LDLRAD3: variants seen among roughly 807,000 people sequenced by gnomAD.
The protein encoded by LDLRAD3 is low-density lipoprotein receptor class A domain-containing protein 3.
LDLRAD3 carries 20 observed loss-of-function variants against 29.4 expected under a neutral mutation model. The ratio of observed to expected loss-of-function variants is 0.68; its 90% CI spans 0.48 to 0.99. The LOEUF (loss-of-function observed/expected upper bound fraction) is 0.99. Among genes scored for constraint, LDLRAD3 ranks in the 50% least tolerant of loss-of-function variants. LDLRAD3 has a pLI of 0.00. For synonymous variants in LDLRAD3, 157 were observed against 192.7 expected, an observed-to-expected ratio of 0.81 and a Z score of 1.53; for missense variants, 420 against 454.3, an observed-to-expected ratio of 0.92 and a Z score of 0.69.
chr11:35,963,935 G>A (rs1851308568), intron 1 of LDLRAD3, among the ~76,000 whole-genome samples: 1 of 152,184 alleles, frequency 6.6e-6, no homozygotes, highest in South Asian at 2.1e-4. Context: ...GTGGTGAGTG[G>A]CACAAGAGTG....
At chr11:36,127,388 A>C (rs1853853400) in intron 4 of LDLRAD3, among the ~76,000 whole-genome samples, 1 of 151,940 alleles carries the variant, frequency 6.6e-6, no homozygotes, top group Admixed American at 6.5e-5. Flanking sequence ...TATATAGTAC[A>C]TGCTGTTTAA....
intron 4 of LDLRAD3, among the ~76,000 whole-genome samples, chr11:36,180,733 C>A (rs1854748983): frequency 1.3e-5 from 2 of 150,682 alleles, no homozygotes; most frequent in African/African-American, 2.4e-5. Context: ...ATGGGAGACT[C>A]TGGCTGTAAT....
chr11:35,962,269 T>G (rs1335061816), intron 1 of LDLRAD3, among the ~76,000 whole-genome samples: 22 of 152,302 alleles, frequency 1.4e-4, no homozygotes, highest in African/African-American at 5.1e-4. Flanking sequence ...GGTATTCTCT[T>G]TCATGACCTA....
At chr11:36,113,185 G>A (rs995133495) in intron 4 of LDLRAD3, among the ~76,000 whole-genome samples, 8 of 152,160 alleles carry the variant, frequency 5.3e-5, no homozygotes, top group Non-Finnish European at 1.2e-4. Flanking sequence ...CAGGGATTCT[G>A]TATTAGTTAG....
intron 1 of LDLRAD3, among the ~76,000 whole-genome samples, chr11:35,949,447 A>G (rs759507631): frequency 2.0e-5 from 3 of 152,040 alleles, no homozygotes; most frequent in Non-Finnish European, 4.4e-5. Context: ...CCCTTCCTCC[A>G]CTTCACAGAG....
intron 1 of LDLRAD3, among the ~76,000 whole-genome samples, chr11:36,025,346 C>T (rs1211073058): frequency 1.3e-5 from 2 of 151,880 alleles, no homozygotes; most frequent in Non-Finnish European, 2.9e-5. Flanking sequence ...TGTGCCTGCA[C>T]CCAGTTCCAC....
chr11:36,166,146 T>TG (rs1463044939), intron 4 of LDLRAD3, among the ~76,000 whole-genome samples: 1 of 152,174 alleles, frequency 6.6e-6, no homozygotes, highest in Non-Finnish European at 1.5e-5. Context: ...TATAGTTGTT[T>TG]GGCAGAAGGT....
intron 2 of LDLRAD3, among the ~76,000 whole-genome samples, chr11:36,056,157 G>A (rs1276700300): frequency 2.0e-5 from 3 of 151,896 alleles, no homozygotes; most frequent in South Asian, 2.1e-4. Flanking sequence ...CACTACGCCC[G>A]GCTAATTTTG....
At chr11:36,201,239 C>T (rs1198133935) in intron 4 of LDLRAD3, among the ~76,000 whole-genome samples, 1 of 152,106 alleles carries the variant, frequency 6.6e-6, no homozygotes, top group Non-Finnish European at 1.5e-5. Flanking sequence ...CACTGACAGC[C>T]CTCCCCACTC....
chr11:36,074,576 A>G (rs1852963500), intron 2 of LDLRAD3, among the ~76,000 whole-genome samples: 1 of 152,216 alleles, frequency 6.6e-6, no homozygotes, highest in African/African-American at 2.4e-5. Flanking sequence ...AAAGCCTGGA[A>G]TTGGAGAGCA....
At chr11:36,071,144 A>G (rs1852895021) in intron 2 of LDLRAD3, among the ~76,000 whole-genome samples, 1 of 152,216 alleles carries the variant, frequency 6.6e-6, no homozygotes, top group Non-Finnish European at 1.5e-5. Context: ...ATGGATGGAG[A>G]ATAATAGAGC....
intron 3 of LDLRAD3, among the ~76,000 whole-genome samples, chr11:36,097,672 G>C (rs7925337): frequency 0.96 from 146,020 of 152,226 alleles, 70,158 homozygotes; most frequent in Non-Finnish European, 0.99. Context: ...TACAAACATA[G>C]AGTGAGATAA....
At chr11:36,006,001 A>T (rs1396296686) in intron 1 of LDLRAD3, among the ~76,000 whole-genome samples, 1 of 152,188 alleles carries the variant, frequency 6.6e-6, no homozygotes, top group Non-Finnish European at 1.5e-5. Flanking sequence ...CCAATTCGAC[A>T]TGAGATTTGG....
chr11:35,988,173 T>A (rs1851638229), intron 1 of LDLRAD3, among the ~76,000 whole-genome samples: 1 of 152,052 alleles, frequency 6.6e-6, no homozygotes, highest in African/African-American at 2.4e-5. Flanking sequence ...TCCTCCCATC[T>A]TAGCCTCCCA....
chr11:36,056,403 C>T (rs560887501), intron 2 of LDLRAD3, among the ~76,000 whole-genome samples: 84 of 152,216 alleles, frequency 5.5e-4, no homozygotes, highest in African/African-American at 1.9e-3. Context: ...TGCTAGTATC[C>T]CCATTATACA....
chr11:36,148,378 G>T (rs1398687330), intron 4 of LDLRAD3, among the ~76,000 whole-genome samples: 9 of 151,912 alleles, frequency 5.9e-5, no homozygotes, highest in Non-Finnish European at 1.0e-4. Flanking sequence ...ATACACTCAG[G>T]GTGTATTTTC....
At chr11:35,947,464 C>T (rs964393499) in intron 1 of LDLRAD3, among the ~76,000 whole-genome samples, 6 of 151,002 alleles carry the variant, frequency 4.0e-5, no homozygotes, top group African/African-American at 1.5e-4. Context: ...AAGCCAAGAT[C>T]GCGCCGCTGC....
rs776297277 is a variant in LDLRAD3 at position 36,036,187 on chromosome 11, C to T, written c.131C>T (p.Pro44Leu). The change falls in exon 2 of 6, where the codon CCG becomes CTG. Residue 44 changes from proline (P) to leucine (L), a missense_variant. This residue lies in a region of LDLRAD3 where 224 missense variants were observed against 222.2 expected (regional missense o/e 1.01). Transcript: ENST00000315571. Reference sequence around the variant, plus strand: ...ATGTGCAGCAATGGACGGTGCATCCCGGGCGCCTGGCAGTGTGACGGGCTG... The same window carrying T: ...ATGTGCAGCAATGGACGGTGCATCCTGGGCGCCTGGCAGTGTGACGGGCTG... The part of the protein sequence containing the change: ...NFMCSNGRCI[P>L]GAWQCDGLPD... 5.6e-6 allele frequency: 9 copies of T among 1,614,038 alleles called. No individual in the cohort carries two copies. Among genetic ancestry groups the T allele is most frequent in the East Asian group, 4.5e-5 (2 of 44,892 alleles).
At position 36,231,019 on chromosome 11, in the gene LDLRAD3, C is replaced by T. The variant is rs140690842; in HGVS notation, c.*1622C>T. On this transcript the variant is annotated 3_prime_UTR_variant, in exon 6 of 6. Coordinates refer to ENST00000315571, the MANE Select transcript of LDLRAD3 (RefSeq NM_174902.4). ...CTCCCTGCAGGAATAAGGGGTAAAA[C>T]GTTAGGTGTTGTTTGGCAAGAAACC... 3.9e-5 allele frequency: 6 copies of T among 152,626 alleles called. No individual in the cohort carries two copies. The highest frequency in any genetic ancestry group is 3.9e-4 in the East Asian group (2 of 5,174). The allele number at this position is 152,626 out of a possible 1,614,324, so 9.5% of individuals were successfully genotyped here. A position where few individuals can be genotyped will look rare whatever the true frequency, so the allele number is the denominator to read the frequency against.
Sources: allele counts gnomAD v4.1 joint callset (sites outside exome capture counted in the v4.1 genomes callset), GRCh38; gene constraint gnomAD v4.1.1; regional missense constraint gnomAD v4.1.1; transcripts MANE v1.5; gene names NCBI Gene and HGNC (gene_info 2026-07-23, HGNC 2026-07-21).